Variants in BRINP1 observed in about 807,000 individuals in gnomAD.
BRINP1 encodes BMP/retinoic acid inducible neural specific 1.
In BRINP1, 17 loss-of-function variants were observed where a neutral mutation model predicts 72.9. The ratio of observed to expected loss-of-function variants is 0.23; its 90% confidence interval spans 0.16 to 0.35. The LOEUF is 0.35. Ranked by LOEUF, BRINP1 falls within the 10% of genes least tolerant of loss-of-function variation. The probability of loss-of-function intolerance (pLI) is 1.00; values close to 1 mark genes in which losing one functional copy is unlikely to be tolerated. For missense variants in BRINP1, 850 were observed against 1,001.6 expected, an observed-to-expected ratio of 0.85 and a Z score of 2.04; for synonymous variants, 418 against 378.5, an observed-to-expected ratio of 1.10 and a Z score of -1.21.
Position 119,249,098 on chromosome 9 carries a change from C to T in BRINP1, c.271G>A (p.Val91Ile), listed in dbSNP as rs754558052. The change falls in exon 3 of 8, where the codon GTC becomes ATC. Residue 91 changes from valine to isoleucine, a missense_variant. Transcript: ENST00000265922. ...GGCATGAGGGGCACTGGATGGCGGA[C>T]CAGATCTCTCCTCTCGATGGCTGTG... ...RNTAIERRDLVRHPVPLMPEF... is the reference protein window; with the variant it reads ...RNTAIERRDLIRHPVPLMPEF... The T allele has an allele frequency of 2.1e-5, 34 of 1,613,932 alleles. No individual in the cohort carries two copies. The highest frequency in any genetic ancestry group is 2.6e-5 in the Non-Finnish European group (31 of 1,180,032).
Position 119,313,340 on chromosome 9 carries a change from C to G in BRINP1, c.16G>C (p.Val6Leu). The change falls in exon 2 of 8, where the codon GTT (valine) becomes CTT (leucine). Residue 6 changes from valine to leucine, a missense_variant. Transcript: ENST00000265922. ...ATAAACAGGAAGTAGAGGAGCTCAA[C>G]AAACCTCCAGTTCATGCTTTTCTGC... MNWRF[V>L]ELLYFLFIWG... The G allele has an allele frequency of 1.9e-6, 3 of 1,613,842 alleles. No homozygotes were observed. The highest frequency in any genetic ancestry group is 2.5e-6 in the Non-Finnish European group (3 of 1,179,982).
chr9:119,212,567 G>T (rs1829940060), intron 6 of BRINP1, among the ~76,000 whole-genome samples: 1 of 152,310 alleles, frequency 6.6e-6, no homozygotes, highest in Non-Finnish European at 1.5e-5. Context: ...GGGTCTTGCA[G>T]GAGGATTATA....
chr9:119,197,967 G>A (rs1186524950), intron 7 of BRINP1, among the ~76,000 whole-genome samples: 1 of 152,108 alleles, frequency 6.6e-6, no homozygotes, highest in African/African-American at 2.4e-5. Context: ...AAATAAAGGG[G>A]AAGTAACAAA....
At position 119,242,043 on chromosome 9, in the gene BRINP1, G is replaced by A. The variant is rs375034091; in HGVS notation, c.579+4C>T. The A allele has an allele frequency of 4.3e-6, 7 of 1,613,362 alleles. No individual in the cohort carries two copies. The highest frequency in any genetic ancestry group is 1.7e-5 in the Admixed American group (1 of 59,982). Reference sequence around the variant, plus strand: ...TGTCGCCCAAATCCACCCCGGAGCTGTACCTTGATTGCTCCAGTTGATATC... The same window carrying A: ...TGTCGCCCAAATCCACCCCGGAGCTATACCTTGATTGCTCCAGTTGATATC... On this transcript the variant is annotated splice_donor_region_variant and intron_variant, in intron 4 of 7. Coordinates refer to ENST00000265922, the MANE Select transcript of BRINP1 (RefSeq NM_014618.3).
chr9:119,355,776 T>C (rs1397328748), intron 1 of BRINP1, among the ~76,000 whole-genome samples: 1 of 151,744 alleles, frequency 6.6e-6, no homozygotes, highest in Non-Finnish European at 1.5e-5. Context: ...CACCTTCTAA[T>C]GTACAAATGT....
At chr9:119,325,126 GAGAGAGAA>G (rs760660843) in intron 1 of BRINP1, among the ~76,000 whole-genome samples, 177 of 151,806 alleles carry the variant, frequency 1.2e-3, no homozygotes, top group African/African-American at 2.0e-3. Flanking sequence ...GAAAGAGAGA[GAGAGAGAA>G]AGAGAGAAAG....
At chr9:119,215,439 G>C (rs755700503) in intron 5 of BRINP1, among the ~76,000 whole-genome samples, 1 of 152,110 alleles carries the variant, frequency 6.6e-6, no homozygotes, top group African/African-American at 2.4e-5. Flanking sequence ...ACCTCATTTG[G>C]AGCTGCAAAC....
Position 119,167,603 on chromosome 9 carries a change from C to T in BRINP1, c.1767G>A (p.Lys589=). 6.2e-7 allele frequency: 1 copy of T among 1,614,162 alleles called. No individual in the cohort carries two copies. The highest frequency in any genetic ancestry group is 8.5e-7 in the Non-Finnish European group (1 of 1,180,046). Residue 589 remains lysine (K), a synonymous_variant, in exon 8 of 8, where the codon AAG becomes AAA. Coordinates refer to ENST00000265922, the MANE Select transcript of BRINP1 (RefSeq NM_014618.3). This position sits in a 1 kb window ranked among gnomAD's most constrained non-coding sequence, Gnocchi z 4.3. The part of the protein sequence containing the change: ...FGEFGYPRWE[K]IRLQNSQCYN... ...AGCACTGGCTGTTTTGGAGACGGATCTTCTCCCAGCGTGGGTAGCCAAATT... is the reference window on the plus strand; with the variant it reads ...AGCACTGGCTGTTTTGGAGACGGATTTTCTCCCAGCGTGGGTAGCCAAATT...
intron 5 of BRINP1, among the ~76,000 whole-genome samples, chr9:119,234,626 T>C (rs559870336): frequency 1.3e-5 from 2 of 152,300 alleles, no homozygotes; most frequent in South Asian, 2.1e-4. Context: ...ATTATAATTT[T>C]AATGTATCCA....
intron 2 of BRINP1, among the ~76,000 whole-genome samples, chr9:119,255,444 G>A (rs1830436318): frequency 6.6e-6 from 1 of 152,234 alleles, no homozygotes; most frequent in African/African-American, 2.4e-5. Context: ...GACAGGGCCT[G>A]GGGATGGATG....
intron 6 of BRINP1, among the ~76,000 whole-genome samples, chr9:119,213,059 C>G (rs1201730965): frequency 6.6e-6 from 1 of 152,198 alleles, no homozygotes; most frequent in East Asian, 1.9e-4. Context: ...TCATCTCTCT[C>G]CTAGGCCCTT....
chr9:119,283,825 G>A (rs1027728276), intron 2 of BRINP1, among the ~76,000 whole-genome samples: 4 of 152,110 alleles, frequency 2.6e-5, no homozygotes, highest in African/African-American at 7.2e-5. Context: ...AAGCCACTGC[G>A]CCTGGCCTCC....
At chr9:119,248,236 A>G (rs1242443701) in intron 3 of BRINP1, among the ~76,000 whole-genome samples, 1 of 152,242 alleles carries the variant, frequency 6.6e-6, no homozygotes, top group Non-Finnish European at 1.5e-5. Context: ...ACAGCGCTCT[A>G]TCACTAAAGG....
chr9:119,206,782 T>C (rs1279380291), intron 7 of BRINP1, among the ~76,000 whole-genome samples: 3 of 152,178 alleles, frequency 2.0e-5, no homozygotes, highest in Non-Finnish European at 2.9e-5. Flanking sequence ...CAGTGCTCGA[T>C]GCAGGTCTCA....
intron 7 of BRINP1, among the ~76,000 whole-genome samples, chr9:119,173,347 CAGAG>C (rs1379341970): frequency 2.7e-5 from 4 of 145,684 alleles, no homozygotes; most frequent in African/African-American, 1.0e-4. Flanking sequence ...AACAGACAAA[CAGAG>C]AGCCAAATCA....
intron 2 of BRINP1, among the ~76,000 whole-genome samples, chr9:119,294,574 G>A (rs1240594007): frequency 1.3e-5 from 2 of 151,038 alleles, no homozygotes; most frequent in African/African-American, 4.9e-5. Flanking sequence ...AATTTAAAAA[G>A]ACACAGAAAG....
intron 7 of BRINP1, among the ~76,000 whole-genome samples, chr9:119,185,575 A>C (rs1031616633): frequency 6.6e-6 from 1 of 152,184 alleles, no homozygotes; most frequent in Non-Finnish European, 1.5e-5. Context: ...ATTTTGACTA[A>C]AGTGACTAAC....
At chr9:119,331,438 G>A (rs545032757) in intron 1 of BRINP1, among the ~76,000 whole-genome samples, 5 of 152,290 alleles carry the variant, frequency 3.3e-5, no homozygotes, top group South Asian at 2.1e-4. Flanking sequence ...AGTTTGGTTC[G>A]CTACTGCTAG....
In BRINP1 at chr9:119,167,959, T is replaced by A. The variant is rs760793480; in HGVS notation, c.1411A>T (p.Ser471Cys). ...CEPQNVDSER[S>C]EQFISFETDL... ...GTCTCAAAGCTGATGAACTGCTCGC[T>A]CCGCTCCGAGTCCACGTTCTGTGGT... is the stretch of plus-strand genomic sequence containing the variant. The change falls in exon 8 of 8, where the codon AGC (serine) becomes TGC (cysteine). Residue 471 changes from serine to cysteine, a missense_variant. Physicochemically the swap from Ser to Cys is moderately radical, Grantham distance 112. Coordinates refer to ENST00000265922, the MANE Select transcript of BRINP1 (RefSeq NM_014618.3). The surrounding 1 kb of genome is among the most constrained non-coding windows in gnomAD (Gnocchi z 4.3). The A allele has an allele frequency of 5.0e-6, 8 of 1,614,206 alleles. No homozygotes were observed. The South Asian group carries it at 7.7e-5, about 16-fold the overall frequency.
Sources: gnomAD v4.1 joint callset for allele counts (sites outside exome capture counted in the v4.1 genomes callset) on GRCh38, gnomAD v4.1.1 for gene constraint, Gnocchi (gnomAD v3.1) non-coding constraint, MANE v1.5 for transcripts, NCBI Gene and HGNC (gene_info 2026-07-23, HGNC 2026-07-21) for gene names.